GFRA1: variants seen among roughly 807,000 people sequenced by gnomAD.
The protein encoded by GFRA1 is GDNF family receptor alpha 1.
Under a neutral mutation model 51.6 loss-of-function variants are expected in GFRA1, and 16 were observed. The ratio of observed to expected loss-of-function variants is 0.31; its 90% confidence interval spans 0.21 to 0.47. The LOEUF (loss-of-function observed/expected upper bound fraction) is 0.47. Ranked by LOEUF, GFRA1 falls within the 20% of genes least tolerant of loss-of-function variation. The probability of loss-of-function intolerance (pLI) is 1.00; values close to 1 mark genes in which losing one functional copy is unlikely to be tolerated. For missense variants in GFRA1, 530 were observed against 594.3 expected (o/e 0.89, Z 1.13); for synonymous variants, 270 against 241.3 (o/e 1.12, Z -1.10).
intron 4 of GFRA1, among the ~76,000 whole-genome samples, chr10:116,251,045 T>TAAA (rs1968304108): frequency 6.6e-6 from 1 of 152,214 alleles, no homozygotes; most frequent in Non-Finnish European, 1.5e-5. Context: ...ACATTCTGAT[T>TAAA]TCCACGTGTA....
intron 6 of GFRA1, 104 bp downstream of exon 6, chr10:116,125,117 C>T: frequency 9.9e-7 from 1 of 1,005,610 alleles, no homozygotes; most frequent in South Asian, 1.3e-5. Flanking sequence ...TCCCCTCCCT[C>T]CTCTACCTTG....
chr10:116,266,687 A>G (rs1156755463), intron 4 of GFRA1, among the ~76,000 whole-genome samples: 1 of 152,220 alleles, frequency 6.6e-6, no homozygotes, highest in African/African-American at 2.4e-5. Flanking sequence ...TGTGAAAAGA[A>G]AGCTGGCCTG....
chr10:116,244,372 A>T (rs954111982), intron 4 of GFRA1, among the ~76,000 whole-genome samples: 3 of 147,048 alleles, frequency 2.0e-5, no homozygotes, highest in African/African-American at 7.5e-5. Context: ...TTTAATAATT[A>T]AAATTTAATT....
chr10:116,209,818 G>A (rs1310252247), intron 5 of GFRA1, among the ~76,000 whole-genome samples: 1 of 151,942 alleles, frequency 6.6e-6, no homozygotes, highest in African/African-American at 2.4e-5. Context: ...GGTAAGGAGT[G>A]GGTACCAGCG....
At chr10:116,255,862 G>A in intron 4 of GFRA1, 1 of 510,676 alleles carries the variant, frequency 2.0e-6, no homozygotes, top group Non-Finnish European at 2.5e-6. Context: ...TAGAAAATCA[G>A]TGTTTTGGAC....
At chr10:116,273,129 A>C (rs2134854115) in intron 1 of GFRA1, 34 bp downstream of exon 1, 1 of 152,212 alleles carries the variant, frequency 6.6e-6, no homozygotes. Context: ...ATGGGTTCCC[A>C]AACAGAACGA....
At chr10:116,147,737 AG>A (rs1371251538) in intron 5 of GFRA1, among the ~76,000 whole-genome samples, 2 of 152,178 alleles carry the variant, frequency 1.3e-5, no homozygotes, top group South Asian at 2.1e-4. Context: ...CGGAGGTGAA[AG>A]CTCCTTTCCT....
intron 5 of GFRA1, among the ~76,000 whole-genome samples, chr10:116,189,469 T>C (rs542493952): frequency 1.3e-5 from 2 of 152,298 alleles, no homozygotes; most frequent in East Asian, 3.9e-4. Flanking sequence ...CTTTTTTTGA[T>C]TCCCCCGCCA....
Position 116,270,974 on chromosome 10 carries a change from C to T in GFRA1, c.182G>A (p.Ser61Asn). 2 of 1,614,258 alleles carry T rather than the reference C, an allele frequency of 1.2e-6. No individual in the cohort carries two copies. Among genetic ancestry groups the T allele is most frequent in the Admixed American group, 3.3e-5 (2 of 60,038 alleles). ...CTTGGCCTCCAGGCCGGATGCCAGGCTGAAGTTGGTCTCCTTGCCCGCCAC... is the reference window on the plus strand; with the variant it reads ...CTTGGCCTCCAGGCCGGATGCCAGGTTGAAGTTGGTCTCCTTGCCCGCCAC... ...QCVAGKETNF[S>N]LASGLEAKDE... The change falls in exon 3 of 11, where the codon AGC becomes AAC. Residue 61 changes from serine (S) to asparagine (N), a missense_variant. Physicochemically the swap from Ser to Asn is conservative, Grantham distance 46 (BLOSUM62 1). Transcript: ENST00000355422.
At chr10:116,135,237 T>G (rs1444376561) in intron 5 of GFRA1, among the ~76,000 whole-genome samples, 1 of 152,238 alleles carries the variant, frequency 6.6e-6, no homozygotes, top group African/African-American at 2.4e-5. Context: ...TTAATGGCCT[T>G]GGCTACCAGG....
intron 3 of GFRA1, among the ~76,000 whole-genome samples, chr10:116,270,049 G>A (rs936902867): frequency 2.0e-5 from 3 of 152,204 alleles, no homozygotes; most frequent in African/African-American, 7.2e-5. Flanking sequence ...AGACTCTGGA[G>A]GAAGTGACCG....
intron 4 of GFRA1, among the ~76,000 whole-genome samples, chr10:116,215,810 A>AAGGGAG (rs775406032): frequency 7.0e-4 from 106 of 152,290 alleles, no homozygotes; most frequent in Admixed American, 1.3e-3. Flanking sequence ...CTCACTTCCC[A>AAGGGAG]AGGGAGAAAA....
intron 9 of GFRA1, among the ~76,000 whole-genome samples, chr10:116,082,527 C>T (rs1008504152): frequency 7.2e-5 from 11 of 151,924 alleles, no homozygotes; most frequent in African/African-American, 2.7e-4. Context: ...GGCTAGAGTG[C>T]AAGAGCGTAA....
At chr10:116,150,951 G>A (rs534429792) in intron 5 of GFRA1, among the ~76,000 whole-genome samples, 36 of 151,432 alleles carry the variant, frequency 2.4e-4, no homozygotes, top group Non-Finnish European at 4.9e-4. Context: ...ATTTGCTTCA[G>A]CCTCAAAGAG....
intron 9 of GFRA1, among the ~76,000 whole-genome samples, chr10:116,085,388 G>C (rs1007983540): frequency 3.9e-5 from 6 of 152,202 alleles, no homozygotes; most frequent in Non-Finnish European, 8.8e-5. Context: ...GTGAACTTTA[G>C]AGCTGCCAAA....
In GFRA1 at chr10:116,236,353, G is replaced by A. The variant is rs78856367; in HGVS notation, c.419-24708C>T. Among the ~76,000 whole-genome samples, 921 of 152,142 alleles carry A rather than the reference G, an allele frequency of 6.1e-3. 5 individuals carry two copies. The highest frequency in any genetic ancestry group is 0.021 in the African/African-American group (863 of 41,496). On this transcript the variant is annotated intron_variant, in intron 4 of 10. Transcript: ENST00000355422. ...CCTTTCAGCAGAGAAAGGTGCCTGA[G>A]GTGGAAAATTTCCCCTCTATGCTCA... is the stretch of plus-strand genomic sequence containing the variant.
intron 4 of GFRA1, among the ~76,000 whole-genome samples, chr10:116,239,786 TA>T (rs1185609070): frequency 6.6e-6 from 1 of 152,224 alleles, no homozygotes; most frequent in East Asian, 1.9e-4. Context: ...CTTGGGTTTT[TA>T]AAAAATTTAA....
At chr10:116,267,060 G>C (rs1969713717) in intron 4 of GFRA1, among the ~76,000 whole-genome samples, 1 of 152,156 alleles carries the variant, frequency 6.6e-6, no homozygotes, top group African/African-American at 2.4e-5. Flanking sequence ...AGGATCGCTT[G>C]AGCCCAGGAG....
intron 9 of GFRA1, among the ~76,000 whole-genome samples, chr10:116,083,303 C>A (rs1955938869): frequency 1.3e-5 from 2 of 152,178 alleles, no homozygotes; most frequent in South Asian, 2.1e-4. Context: ...ATAAGCACCT[C>A]TCTTTCCTCG....
Sources: allele counts gnomAD v4.1 joint callset (sites outside exome capture counted in the v4.1 genomes callset), GRCh38; gene constraint gnomAD v4.1.1; transcripts MANE v1.5; gene names NCBI Gene and HGNC (gene_info 2026-07-23, HGNC 2026-07-21).